The following AGBL4 variants were observed in gnomAD, a reference collection of about 807,000 sequenced individuals.
The protein encoded by AGBL4 is AGBL carboxypeptidase 4, also known as cytosolic carboxypeptidase 6.
In AGBL4, 58 loss-of-function variants were observed where a neutral mutation model predicts 66.4. The observed-to-expected ratio is 0.87, with a 90% CI of 0.71 to 1.09. The LOEUF (loss-of-function observed/expected upper bound fraction) is 1.09. AGBL4 is among the 50% of genes least tolerant of loss of function. The pLI, the probability that AGBL4 is intolerant of heterozygous loss-of-function variation, is 0.00. For missense variants in AGBL4, 579 were observed against 631.0 expected, an observed-to-expected ratio of 0.92 and a Z score of 0.88; for synonymous variants, 234 against 222.9, an observed-to-expected ratio of 1.05 and a Z score of -0.44.
chr1:48,922,761 A>C (rs1242547799), intron 5 of AGBL4, among the ~76,000 whole-genome samples: 1 of 152,122 alleles, frequency 6.6e-6, no homozygotes, highest in Non-Finnish European at 1.5e-5. Flanking sequence ...AATTCTAGGA[A>C]ATTTTTAATA....
At chr1:49,945,855 G>C (rs1655159603) in intron 1 of AGBL4, among the ~76,000 whole-genome samples, 1 of 151,970 alleles carries the variant, frequency 6.6e-6, no homozygotes. Flanking sequence ...TGAAAGTAAA[G>C]AGGTGGAAAA....
intron 2 of AGBL4, chr1:49,845,658 G>T (rs1488077295): frequency 1.2e-6 from 2 of 1,607,534 alleles, no homozygotes; most frequent in African/African-American, 2.7e-5. Flanking sequence ...CAGGAGAAAA[G>T]CCCTGTGAGT....
chr1:49,406,506 G>C (rs1374395612), intron 3 of AGBL4, among the ~76,000 whole-genome samples: 2 of 151,960 alleles, frequency 1.3e-5, no homozygotes, highest in East Asian at 3.9e-4. Flanking sequence ...ACCAAGCAAA[G>C]GGTACATAAA....
chr1:48,961,283 A>G (rs532412054), intron 5 of AGBL4, among the ~76,000 whole-genome samples: 1 of 152,180 alleles, frequency 6.6e-6, no homozygotes, highest in Non-Finnish European at 1.5e-5. Context: ...CCTGAGCATA[A>G]ATCATGGAAG....
At chr1:49,038,798 T>C (rs1664869817) in intron 5 of AGBL4, among the ~76,000 whole-genome samples, 1 of 152,072 alleles carries the variant, frequency 6.6e-6, no homozygotes, top group Non-Finnish European at 1.5e-5. Context: ...TGGTGATTTC[T>C]TACAAAACTA....
chr1:49,601,100 T>C (rs1644949945), intron 3 of AGBL4, among the ~76,000 whole-genome samples: 1 of 152,180 alleles, frequency 6.6e-6, no homozygotes, highest in Admixed American at 6.5e-5. Flanking sequence ...CTGACAATTG[T>C]GTTTCTTGGG....
At chr1:49,880,740 C>T (rs1473373049) in intron 1 of AGBL4, among the ~76,000 whole-genome samples, 3 of 152,120 alleles carry the variant, frequency 2.0e-5, no homozygotes, top group African/African-American at 4.8e-5. Context: ...TGGGCAATGG[C>T]GGGCGCCCCT....
chr1:49,214,603 G>A (rs1648927653), intron 4 of AGBL4, among the ~76,000 whole-genome samples: 1 of 152,134 alleles, frequency 6.6e-6, no homozygotes, highest in South Asian at 2.1e-4. Flanking sequence ...TGAGGCACAA[G>A]TCAAGTTGCT....
chr1:49,819,684 T>C (rs1438576830), intron 2 of AGBL4, among the ~76,000 whole-genome samples: 6 of 152,204 alleles, frequency 3.9e-5, no homozygotes, highest in African/African-American at 1.2e-4. Flanking sequence ...ACACTGAACA[T>C]TTATTTCCCT....
chr1:48,808,688 A>G (rs1471263254), intron 6 of AGBL4, among the ~76,000 whole-genome samples: 1 of 152,224 alleles, frequency 6.6e-6, no homozygotes, highest in African/African-American at 2.4e-5. Flanking sequence ...CCTGGTAATT[A>G]TGAAGGGCAA....
In AGBL4 at chr1:48,998,883, G is replaced by C. The variant is rs963545117; in HGVS notation, c.594+46701C>G. 3.9e-5 allele frequency among the ~76,000 whole-genome samples: 6 copies of C among 152,334 alleles called. No individual in the cohort carries two copies. In the South Asian group the frequency reaches 1.2e-3, roughly 32 times the overall value. On this transcript the variant is annotated intron_variant, in intron 5 of 13. Transcript: ENST00000371839. Reference sequence around the variant, plus strand: ...GACAGCTGAAGGAGAGGAAGCTTAGGAGAATATGGCAGCTGCTTGAAGATC... The same window carrying C: ...GACAGCTGAAGGAGAGGAAGCTTAGCAGAATATGGCAGCTGCTTGAAGATC...
intron 5 of AGBL4, among the ~76,000 whole-genome samples, chr1:48,966,899 T>C (rs530145961): frequency 9.9e-5 from 15 of 152,188 alleles, no homozygotes; most frequent in Non-Finnish European, 5.9e-5. Context: ...TGGAGTCCAA[T>C]TCAGGTCACA....
At chr1:49,006,234 GT>G (rs1661794534) in intron 5 of AGBL4, among the ~76,000 whole-genome samples, 2 of 152,188 alleles carry the variant, frequency 1.3e-5, no homozygotes, top group Non-Finnish European at 2.9e-5. Context: ...GGGTCAGGGA[GT>G]TCCCTTTCCT....
chr1:49,747,559 C>A (rs1377654525), intron 2 of AGBL4, among the ~76,000 whole-genome samples: 1 of 152,012 alleles, frequency 6.6e-6, no homozygotes, highest in African/African-American at 2.4e-5. Flanking sequence ...TTTTCCTAAC[C>A]CAAAATGATC....
intron 4 of AGBL4, among the ~76,000 whole-genome samples, chr1:49,207,521 T>TTCTC (rs1204596980): frequency 6.7e-6 from 1 of 149,184 alleles, no homozygotes; most frequent in Non-Finnish European, 1.5e-5. Context: ...CTTTCTTTCT[T>TTCTC]TCTCTCTTTC....
At chr1:49,539,861 G>A (rs1454017380) in intron 3 of AGBL4, among the ~76,000 whole-genome samples, 1 of 152,178 alleles carries the variant, frequency 6.6e-6, no homozygotes. Flanking sequence ...TTTTTTAAAT[G>A]TTCAGGTGTG....
At chr1:49,526,299 G>C (rs977371537) in intron 3 of AGBL4, among the ~76,000 whole-genome samples, 1 of 151,920 alleles carries the variant, frequency 6.6e-6, no homozygotes, top group Non-Finnish European at 1.5e-5. Flanking sequence ...ACAAAATCTG[G>C]AGAGTCTGGC....
intron 1 of AGBL4, among the ~76,000 whole-genome samples, chr1:49,854,109 T>A (rs1408615605): frequency 6.6e-6 from 1 of 152,154 alleles, no homozygotes; most frequent in South Asian, 2.1e-4. Context: ...TTATGCCATA[T>A]GGAAAAGTAA....
chr1:49,476,706 A>G (rs957249666), intron 3 of AGBL4, among the ~76,000 whole-genome samples: 1 of 151,974 alleles, frequency 6.6e-6, no homozygotes, highest in Non-Finnish European at 1.5e-5. Context: ...AGACTGTTTT[A>G]TGTAATATAA....
Sources: gnomAD v4.1 joint callset for allele counts (sites outside exome capture counted in the v4.1 genomes callset) on GRCh38, gnomAD v4.1.1 for gene constraint, MANE v1.5 for transcripts, NCBI Gene and HGNC (gene_info 2026-07-23, HGNC 2026-07-21) for gene names.